BTK: variants seen among roughly 807,000 people sequenced by gnomAD.
The protein encoded by BTK is tyrosine-protein kinase BTK.
Under a neutral mutation model 57.4 loss-of-function variants are expected in BTK, and 5 were observed. That is an observed-to-expected ratio of 0.09 (90% CI 0.05 to 0.18). The LOEUF (loss-of-function observed/expected upper bound fraction) is 0.18. BTK is among the 10% of genes least tolerant of loss of function. The pLI is 1.00. For missense variants in BTK, 194 were observed against 501.2 expected (o/e 0.39, Z 5.85); for synonymous variants, 154 against 174.3 (o/e 0.88, Z 0.92).
At chrX:101,367,575 G>A (rs1926897282) in intron 5 of BTK, among the ~76,000 whole-genome samples, 1 of 109,814 alleles carries the variant, frequency 9.1e-6, no homozygotes, top group Non-Finnish European at 1.9e-5. Context: ...GGCGGAGGTT[G>A]CAGTGAGCCG....
At chrX:101,350,498 G>A (rs1330750851) in intron 18 of BTK, among the ~76,000 whole-genome samples, 3 of 103,008 alleles carry the variant, frequency 2.9e-5, no homozygotes, top group Non-Finnish European at 3.9e-5. Flanking sequence ...TGTTGTCCAG[G>A]CTGGAGTGCA....
At chrX:101,356,658 G>A in intron 14 of BTK, 126 bp downstream of exon 14, 1 of 810,385 alleles carries the variant, frequency 1.2e-6, no homozygotes, top group Non-Finnish European at 1.9e-6. Flanking sequence ...GCCAGTTAAA[G>A]GTAAACTTCA....
rs149637449 is a variant in BTK, at chrX:101,366,658, T to C, written c.391+3340A>G. Among the ~76,000 whole-genome samples the C allele has an allele frequency of 7.9e-3, 887 of 111,777 alleles. 6 individuals are homozygous for C. The highest frequency in any genetic ancestry group is 0.028 in the African/African-American group (856 of 30,748). On this transcript the variant is annotated intron_variant, in intron 5 of 18. Transcript: ENST00000308731. ...CACCTAAATCTCCCAGCAATCATGG[T>C]ATTTGTCAGAAGGTGCCTACTTTTT...
At chrX:101,390,677 T>G (rs147334189), upstream of BTK, 762 of 476,009 alleles carry the variant, frequency 1.6e-3, 6 homozygotes, top group African/African-American at 0.016. Flanking sequence ...GACCCCTTCA[T>G]TCGACCCTAG....
At chrX:101,372,660 G>A (rs907866158) in intron 3 of BTK, among the ~76,000 whole-genome samples, 6 of 108,309 alleles carry the variant, frequency 5.5e-5, no homozygotes, top group Non-Finnish European at 1.2e-4. Context: ...TGTTGGTCAG[G>A]CTGGTCTCGA....
chrX:101,384,744 C>T (rs1046482439), intron 1 of BTK, among the ~76,000 whole-genome samples: 1 of 112,090 alleles, frequency 8.9e-6, no homozygotes, highest in East Asian at 2.8e-4. Flanking sequence ...CTAAGGGACA[C>T]TGTTTGGGTA....
At position 101,362,624 on chromosome X, in the gene BTK, G is replaced by T. The variant is rs782559289; in HGVS notation, c.457C>A (p.Leu153Ile). Residue 153 changes from leucine (L) to isoleucine (I), a missense_variant, in exon 6 of 19, where the codon CTC becomes ATC. Leu to Ile is a conservative substitution (Grantham distance 5, BLOSUM62 2). This residue lies in a region of BTK where 115 missense variants were observed against 258.3 expected (regional missense o/e 0.45). Coordinates refer to ENST00000308731, the MANE Select transcript of BTK (RefSeq NM_000061.3). ...TTTTTGGCTGTCTGAGAGCAGCAGA[G>T]ATACTGCCCATCGATCCAGAAGCAA... The part of the protein sequence containing the change: ...HPCFWIDGQY[L>I]CCSQTAKNAM... 1.1e-5 allele frequency: 13 copies of T among 1,211,963 alleles called. No homozygotes were observed. The highest frequency in any genetic ancestry group is 1.7e-5 in the African/African-American group (1 of 57,934).
At chrX:101,364,465 G>C (rs1212640253) in intron 5 of BTK, among the ~76,000 whole-genome samples, 1 of 109,401 alleles carries the variant, frequency 9.1e-6, no homozygotes, top group Non-Finnish European at 1.9e-5. Context: ...ATCCTTAAGG[G>C]CTTGCTAGTC....
chrX:101,362,834 T>C (rs1320312283), intron 5 of BTK, 145 bp from the exon 6 acceptor site: 3 of 814,606 alleles, frequency 3.7e-6, no homozygotes, highest in Non-Finnish European at 5.5e-6. Flanking sequence ...ACAGGACCAG[T>C]TGGCTCACAT....
At chrX:101,353,009 T>C in intron 18 of BTK, 185 bp downstream of exon 18, 2 of 434,313 alleles carry the variant, frequency 4.6e-6, no homozygotes, top group South Asian at 3.7e-5. Flanking sequence ...AAGGTTGCAG[T>C]AAGCCAAGAT....
intron 7 of BTK, among the ~76,000 whole-genome samples, chrX:101,361,009 A>T (rs1603008833): frequency 1.8e-5 from 2 of 111,200 alleles, no homozygotes; most frequent in African/African-American, 6.5e-5. Flanking sequence ...TGAGGCCAGG[A>T]GTTCGAGACC....
intron 1 of BTK, among the ~76,000 whole-genome samples, chrX:101,376,289 C>T (rs782389598): frequency 2.7e-5 from 3 of 111,842 alleles, no homozygotes; most frequent in South Asian, 3.7e-4. Flanking sequence ...TTACTAATTC[C>T]GAACTTTCAT....
intron 1 of BTK, among the ~76,000 whole-genome samples, chrX:101,377,137 A>T (rs1555981160): frequency 9.1e-6 from 1 of 110,468 alleles, no homozygotes; most frequent in African/African-American, 3.3e-5. Context: ...ACACACCCTG[A>T]CTCCCTGGTT....
chrX:101,359,221 C>A, intron 10 of BTK, 72 bp downstream of exon 10: 2 of 1,097,533 alleles, frequency 1.8e-6, no homozygotes, highest in East Asian at 3.0e-5. Flanking sequence ...AGGTAGGGGG[C>A]AGAACAGGCC....
Position 101,354,008 on chromosome X carries a change from T to A in BTK, c.1632-20A>T, listed in dbSNP as rs782141849. 1.8e-6 allele frequency: 2 copies of A among 1,116,569 alleles called. No individual in the cohort carries two copies. 92.0% of individuals were successfully genotyped at this position (1,116,569 alleles called of 1,213,427 possible). Reference sequence around the variant, plus strand: ...ACATACCTGCAAGGGATTCAGGACTTGTTGCATTAGGATTTGGAGGCTTGA... The same window carrying A: ...ACATACCTGCAAGGGATTCAGGACTAGTTGCATTAGGATTTGGAGGCTTGA... On this transcript the variant is annotated intron_variant, in intron 16 of 18. Transcript: ENST00000308731.
chrX:101,354,989 A>C (rs1323691747), intron 15 of BTK, among the ~76,000 whole-genome samples: 6 of 112,595 alleles, frequency 5.3e-5, no homozygotes, highest in African/African-American at 1.9e-4. Flanking sequence ...TGAAAGAATT[A>C]AGGGAGAGGC....
At chrX:101,353,642 T>C (rs142869351) in intron 17 of BTK, among the ~76,000 whole-genome samples, 1 of 112,253 alleles carries the variant, frequency 8.9e-6, no homozygotes, top group African/African-American at 3.2e-5. Flanking sequence ...GAAAACTGAA[T>C]GAATTGTTTT....
chrX:101,353,435 A>G, intron 17 of BTK, 84 bp from the exon 18 acceptor site: 1 of 1,011,101 alleles, frequency 9.9e-7, no homozygotes, highest in Non-Finnish European at 1.4e-6. Context: ...AACCTCAAAG[A>G]TTAGAATCAG....
chrX:101,382,163 T>A (rs1428765218), intron 1 of BTK, among the ~76,000 whole-genome samples: 1 of 110,633 alleles, frequency 9.0e-6, no homozygotes, highest in Non-Finnish European at 1.9e-5. Context: ...ATAAGCTTCA[T>A]AGTCAAGGCT....
Sources: allele counts gnomAD v4.1 joint callset (sites outside exome capture counted in the v4.1 genomes callset), GRCh38; gene constraint gnomAD v4.1.1; regional missense constraint gnomAD v4.1.1; transcripts MANE v1.5; gene names NCBI Gene and HGNC (gene_info 2026-07-23, HGNC 2026-07-21).